Variants in ATF7 observed in about 807,000 individuals in gnomAD.
ATF7 encodes cyclic AMP-dependent transcription factor ATF-7.
A neutral mutation model predicts 50.4 loss-of-function variants in ATF7; 10 were observed. The ratio of observed to expected loss-of-function variants is 0.20; its 90% confidence interval spans 0.12 to 0.34. The LOEUF is 0.34. ATF7 is among the 10% of genes least tolerant of loss of function. The pLI is 1.00. For synonymous variants in ATF7, 201 were observed against 226.4 expected, an observed-to-expected ratio of 0.89 and a Z score of 1.01; for missense variants, 465 against 613.9, an observed-to-expected ratio of 0.76 and a Z score of 2.56.
At chr12:53,580,120 G>A (rs913273289) in intron 2 of ATF7, among the ~76,000 whole-genome samples, 3 of 151,518 alleles carry the variant, frequency 2.0e-5, no homozygotes, top group Non-Finnish European at 2.9e-5. Context: ...TAGTAGAGAC[G>A]AGGTTTCACC....
At chr12:53,585,227 C>T (rs529978705) in intron 2 of ATF7, among the ~76,000 whole-genome samples, 4 of 152,208 alleles carry the variant, frequency 2.6e-5, no homozygotes, top group East Asian at 1.9e-4. Context: ...CCTCCTGCCT[C>T]GGCTTCCCAA....
At position 53,517,326 on chromosome 12, in the gene ATF7, C is replaced by T. The variant is rs1475305450; in HGVS notation, c.1263G>A (p.Thr421=). ...GCTGAATCACAGGGGCTGGAGAACC[C>T]GTTGGCTCTGAGCTTTCCTTGGGGC... ...LESPKESSEP[T]GSPAPVIQHS... is the part of the protein sequence containing the mutation. The change falls in exon 12 of 12, where the codon ACG becomes ACA. Residue 421 remains threonine (T), a synonymous_variant. Transcript: ENST00000420353. 19 of 1,613,700 alleles carry T rather than the reference C, an allele frequency of 1.2e-5. No homozygotes were observed. The highest frequency in any genetic ancestry group is 5.0e-5 in the Admixed American group (3 of 59,980).
At chr12:53,595,986 G>T (rs551264005) in intron 2 of ATF7, among the ~76,000 whole-genome samples, 1 of 152,052 alleles carries the variant, frequency 6.6e-6, no homozygotes, top group Non-Finnish European at 1.5e-5. Flanking sequence ...AGAAATAATC[G>T]AAGGATTTTT....
chr12:53,554,788 G>A (rs550575935), intron 2 of ATF7, among the ~76,000 whole-genome samples: 55 of 148,352 alleles, frequency 3.7e-4, no homozygotes, highest in African/African-American at 1.3e-3. Flanking sequence ...GCTTGAACCC[G>A]GGAGGTGGAG....
chr12:53,525,070 C>T (rs903613244), intron 9 of ATF7: 4 of 253,070 alleles, frequency 1.6e-5, no homozygotes, highest in African/African-American at 9.1e-5. Context: ...AATACGGAAT[C>T]TTGACCGGCA....
At position 53,533,244 on chromosome 12, in the gene ATF7, G is replaced by A; in HGVS notation, c.576C>T (p.Ser192=). Residue 192 remains serine (S), a synonymous_variant, in exon 7 of 12, where the codon TCC becomes TCT. Coordinates refer to ENST00000420353, the MANE Select transcript of ATF7 (RefSeq NM_006856.3). ...TAGCAAGATGCATGACAAGAGGGAG[G>A]GAGCCAGTGGGAGACCTAGAGGAGA... ...SNRQMGSPTG[S]LPLVMHLANG... 1 of 1,613,102 alleles carries A rather than the reference G, an allele frequency of 6.2e-7. No homozygotes were observed. Among genetic ancestry groups the A allele is most frequent in the Non-Finnish European group, 8.5e-7 (1 of 1,179,124 alleles).
In ATF7 at chr12:53,531,787, A is replaced by C; in HGVS notation, c.884T>G (p.Ile295Ser). 1 of 1,612,542 alleles carries C rather than the reference A, an allele frequency of 6.2e-7. No individual in the cohort carries two copies. Among genetic ancestry groups the C allele is most frequent in the Non-Finnish European group, 8.5e-7 (1 of 1,179,502 alleles). Reference sequence around the variant, plus strand: ...TGGGGCATCAGGGTGCTGGATGAGAATCTGGCTCTGCTCTGGGCGGGCTGT... The same window carrying C: ...TGGGGCATCAGGGTGCTGGATGAGACTCTGGCTCTGCTCTGGGCGGGCTGT... The part of the protein sequence containing the change: ...MVTARPEQSQ[I>S]LIQHPDAPSP... Residue 295 changes from isoleucine to serine, a missense_variant, in exon 9 of 12, where the codon ATT (isoleucine) becomes AGT (serine). Ile to Ser is a moderately radical substitution (Grantham distance 142). Transcript: ENST00000420353.
At chr12:53,526,723 C>T (rs966846499) in intron 9 of ATF7, among the ~76,000 whole-genome samples, 9 of 149,978 alleles carry the variant, frequency 6.0e-5, no homozygotes, top group Admixed American at 6.0e-4. Context: ...TGGTGGCAGG[C>T]GCCTGTAATC....
At chr12:53,525,669 C>T (rs1386789389) in intron 9 of ATF7, among the ~76,000 whole-genome samples, 1 of 152,122 alleles carries the variant, frequency 6.6e-6, no homozygotes, top group African/African-American at 2.4e-5. Flanking sequence ...TGTTTAATCC[C>T]TTTACAAATT....
At chr12:53,585,427 AGT>A (rs1314147498) in intron 2 of ATF7, among the ~76,000 whole-genome samples, 2 of 152,136 alleles carry the variant, frequency 1.3e-5, no homozygotes, top group Admixed American at 6.6e-5. Flanking sequence ...GGGGGAGGCT[AGT>A]GTGTGTGAGG....
At position 53,533,245 on chromosome 12, in the gene ATF7, G is replaced by T. The variant is rs772532612; in HGVS notation, c.575C>A (p.Ser192Tyr). Residue 192 changes from serine (S) to tyrosine (Y), a missense_variant, in exon 7 of 12, where the codon TCC becomes TAC. Ser to Tyr is a moderately radical substitution (Grantham distance 144, BLOSUM62 -2). Coordinates refer to ENST00000420353, the MANE Select transcript of ATF7 (RefSeq NM_006856.3). ...SNRQMGSPTG[S>Y]LPLVMHLANG... is the part of the protein sequence containing the mutation. Reference sequence around the variant, plus strand: ...AGCAAGATGCATGACAAGAGGGAGGGAGCCAGTGGGAGACCTAGAGGAGAC... The same window carrying T: ...AGCAAGATGCATGACAAGAGGGAGGTAGCCAGTGGGAGACCTAGAGGAGAC... 2 of 1,613,114 alleles carry T rather than the reference G, an allele frequency of 1.2e-6. No homozygotes were observed. Among genetic ancestry groups the T allele is most frequent in the Non-Finnish European group, 1.7e-6 (2 of 1,179,164 alleles).
In ATF7 at chr12:53,542,931, AAC is replaced by A. The variant is rs1463502665; in HGVS notation, c.264+397_264+398del. 8 of 1,050,086 alleles carry A rather than the reference AAC, an allele frequency of 7.6e-6. No homozygotes were observed. The African/African-American group carries it at 1.3e-4, about 18-fold the overall frequency. 65.0% of individuals were successfully genotyped at this position (1,050,086 alleles called of 1,614,324 possible). On this transcript the variant is annotated intron_variant, in intron 4 of 11. Coordinates refer to ENST00000420353, the MANE Select transcript of ATF7 (RefSeq NM_006856.3). ...GTTTATTGACTTGCTGATTCAAAAA[AAC>A]AGTGTAGCTGAGAAGTCTGATCAGC... is the stretch of plus-strand genomic sequence containing the variant.
chr12:53,532,427 C>T (rs1056188043), intron 8 of ATF7, 83 bp downstream of exon 8: 3 of 1,159,694 alleles, frequency 2.6e-6, no homozygotes, highest in African/African-American at 3.1e-5. Flanking sequence ...GGTTCCTTTG[C>T]TTGGCTCACT....
chr12:53,552,998 GA>G (rs1316879875), intron 2 of ATF7, among the ~76,000 whole-genome samples: 1 of 152,094 alleles, frequency 6.6e-6, no homozygotes, highest in Non-Finnish European at 1.5e-5. Flanking sequence ...ATAGAGAAGG[GA>G]AGGGCTGGGC....
At chr12:53,565,099 G>C (rs1941374780) in intron 2 of ATF7, among the ~76,000 whole-genome samples, 1 of 152,028 alleles carries the variant, frequency 6.6e-6, no homozygotes, top group Non-Finnish European at 1.5e-5. Flanking sequence ...TTGGTTCCTT[G>C]TTCCTTCCTC....
chr12:53,533,404 G>A, intron 6 of ATF7, 145 bp from the exon 7 acceptor site: 1 of 628,116 alleles, frequency 1.6e-6, no homozygotes, highest in Non-Finnish European at 2.7e-6. Flanking sequence ...CCTCATGAAG[G>A]TGAGAAGGCA....
In ATF7 at chr12:53,532,529, A is replaced by T; in HGVS notation, c.755T>A (p.Ile252Lys). Residue 252 changes from isoleucine to lysine, a missense_variant, in exon 8 of 12, where the codon ATA becomes AAA. By Grantham distance (102) the Ile-to-Lys change is moderately radical. Coordinates refer to ENST00000420353, the MANE Select transcript of ATF7 (RefSeq NM_006856.3). The stretch of plus-strand genomic sequence containing the variant: ...ACTCACCATCTTGGCTTCTGATGGT[A>T]TAGGGTGGCCAGAGGGAGAAATGGA... The part of the protein sequence containing the change: ...SGSISPSGHP[I>K]PSEAKMRLKA... The T allele has an allele frequency of 1.9e-6, 3 of 1,601,758 alleles. No homozygotes were observed. Among genetic ancestry groups the T allele is most frequent in the Non-Finnish European group, 2.6e-6 (3 of 1,173,798 alleles).
In ATF7 at chr12:53,584,483, C is replaced by T. The variant is rs1942585534; in HGVS notation, c.48+16470G>A. 2.6e-5 allele frequency among the ~76,000 whole-genome samples: 4 copies of T among 152,166 alleles called. No individual in the cohort carries two copies. In the South Asian group the frequency reaches 8.3e-4, roughly 32 times the overall value. On this transcript the variant is annotated intron_variant, in intron 2 of 11. Transcript: ENST00000420353. Reference sequence around the variant, plus strand: ...AGTTTCTTACAAAACTAAACATAGTCTTACCATAAACATAGTATTACCATA... The same window carrying T: ...AGTTTCTTACAAAACTAAACATAGTTTTACCATAAACATAGTATTACCATA...
chr12:53,533,101 AG>A, intron 7 of ATF7, 58 bp downstream of exon 7: 1 of 1,424,398 alleles, frequency 7.0e-7, no homozygotes, highest in African/African-American at 1.4e-5. Flanking sequence ...ATGACCATTC[AG>A]GTGGAAGGGA....
Sources: gnomAD v4.1 joint callset for allele counts (sites outside exome capture counted in the v4.1 genomes callset) on GRCh38, gnomAD v4.1.1 for gene constraint, MANE v1.5 for transcripts, NCBI Gene and HGNC (gene_info 2026-07-23, HGNC 2026-07-21) for gene names.